Variants in CD2AP observed in about 807,000 individuals in gnomAD.
The protein encoded by CD2AP is CD2 associated protein.
Under a neutral mutation model 85.1 loss-of-function variants are expected in CD2AP, and 46 were observed. The ratio of observed to expected loss-of-function variants is 0.54; its 90% CI spans 0.43 to 0.69. The LOEUF (loss-of-function observed/expected upper bound fraction) is 0.69. CD2AP is among the 30% of genes least tolerant of loss of function. The pLI is 0.00. For synonymous variants in CD2AP, 255 were observed against 252.9 expected (o/e 1.01, Z -0.08); for missense variants, 769 against 729.5 (o/e 1.05, Z -0.62).
chr6:47,611,279 C>A (rs1769431794), intron 16 of CD2AP, among the ~76,000 whole-genome samples: 1 of 151,016 alleles, frequency 6.6e-6, no homozygotes, highest in African/African-American at 2.4e-5. Context: ...GAAAAGCATA[C>A]CAAACCAGAA....
chr6:47,616,266 G>C (rs1441707574), intron 17 of CD2AP, among the ~76,000 whole-genome samples: 2 of 151,252 alleles, frequency 1.3e-5, no homozygotes, highest in Admixed American at 6.6e-5. Flanking sequence ...TAATTTTTTT[G>C]TATTTTTAAC....
intron 2 of CD2AP, among the ~76,000 whole-genome samples, chr6:47,507,666 C>G (rs938633815): frequency 6.6e-6 from 1 of 152,158 alleles, no homozygotes; most frequent in Non-Finnish European, 1.5e-5. Context: ...AGACTGGTCT[C>G]AAACTCCTGA....
intron 1 of CD2AP, among the ~76,000 whole-genome samples, chr6:47,487,710 C>CA (rs1765600661): frequency 1.3e-5 from 2 of 149,564 alleles, no homozygotes; most frequent in South Asian, 4.2e-4. Flanking sequence ...AACAAACAAA[C>CA]AAACAAAACA....
intron 11 of CD2AP, among the ~76,000 whole-genome samples, chr6:47,592,086 TCA>T (rs1768815935): frequency 1.3e-5 from 2 of 152,204 alleles, no homozygotes; most frequent in Admixed American, 1.3e-4. Flanking sequence ...TGCCCCCATC[TCA>T]GCCTCCCAAA....
intron 11 of CD2AP, among the ~76,000 whole-genome samples, chr6:47,588,193 A>G (rs1301938514): frequency 2.0e-5 from 3 of 152,034 alleles, no homozygotes; most frequent in African/African-American, 7.2e-5. Context: ...CTTCCTTGAC[A>G]GTATTTTCCT....
At position 47,540,038 on chromosome 6, in the gene CD2AP, C is replaced by T. The variant is rs552369900; in HGVS notation, c.320-4568C>T. ...ACAAAAAAAAAAATACAAAAATTAG[C>T]CCAGTATGGTGGTGAGCGCCTGTGG... On this transcript the variant is annotated intron_variant, in intron 3 of 17. Coordinates refer to ENST00000359314, the MANE Select transcript of CD2AP (RefSeq NM_012120.3). Among the ~76,000 whole-genome samples the T allele has an allele frequency of 3.3e-5, 5 of 151,262 alleles. No homozygotes were observed. The South Asian group carries it at 1.0e-3, about 32-fold the overall frequency.
chr6:47,527,015 A>G (rs988676818), intron 2 of CD2AP, among the ~76,000 whole-genome samples: 8 of 152,194 alleles, frequency 5.3e-5, no homozygotes, highest in Admixed American at 2.0e-4. Flanking sequence ...ACCAATAAAA[A>G]CAGGGAAATA....
At chr6:47,598,164 A>G (rs1769000331) in intron 12 of CD2AP, among the ~76,000 whole-genome samples, 1 of 151,170 alleles carries the variant, frequency 6.6e-6, no homozygotes, top group Non-Finnish European at 1.5e-5. Context: ...CAAAGTCACT[A>G]GTTACCAGGG....
intron 2 of CD2AP, among the ~76,000 whole-genome samples, chr6:47,531,920 A>G (rs1047317801): frequency 1.3e-5 from 2 of 151,946 alleles, no homozygotes; most frequent in Non-Finnish European, 2.9e-5. Flanking sequence ...TAAAAATACA[A>G]AAATTAGCCA....
chr6:47,484,828 A>G (rs935577623), intron 1 of CD2AP, among the ~76,000 whole-genome samples: 1 of 152,092 alleles, frequency 6.6e-6, no homozygotes, highest in Non-Finnish European at 1.5e-5. Flanking sequence ...ATTCCAAGGG[A>G]GTGACTGTAA....
At chr6:47,572,904 A>G (rs1483567902) in intron 5 of CD2AP, among the ~76,000 whole-genome samples, 18 of 152,092 alleles carry the variant, frequency 1.2e-4, no homozygotes, top group Admixed American at 3.3e-4. Flanking sequence ...TATTGTCCCT[A>G]TTGTTCTTAC....
intron 1 of CD2AP, among the ~76,000 whole-genome samples, chr6:47,495,826 G>A (rs780745527): frequency 3.5e-4 from 54 of 152,154 alleles, no homozygotes; most frequent in Non-Finnish European, 5.4e-4. Flanking sequence ...AATTTTTGGC[G>A]TTTTTATGCT....
intron 12 of CD2AP, among the ~76,000 whole-genome samples, chr6:47,598,817 G>C (rs1425403288): frequency 6.6e-6 from 1 of 150,412 alleles, no homozygotes; most frequent in Admixed American, 6.6e-5. Context: ...CTGCTCGGGT[G>C]GTGGGTGCAC....
rs1029326352 is a variant in CD2AP at position 47,545,871 on chromosome 6, A to G, written c.420+1165A>G. Among the ~76,000 whole-genome samples, 8 of 152,134 alleles carry G rather than the reference A, an allele frequency of 5.3e-5. No homozygotes were observed. In the East Asian group the frequency reaches 1.4e-3, roughly 26 times the overall value. On this transcript the variant is annotated intron_variant, in intron 4 of 17. Coordinates refer to ENST00000359314, the MANE Select transcript of CD2AP (RefSeq NM_012120.3). ...AAGAAACTGAACAGCCTTGAGCCCT[A>G]CACTTCCCTCTGACAGAGCCTACCC...
intron 1 of CD2AP, among the ~76,000 whole-genome samples, chr6:47,487,703 A>G (rs1765600426): frequency 6.6e-6 from 1 of 152,134 alleles, no homozygotes; most frequent in African/African-American, 2.4e-5. Flanking sequence ...ACAAACAAAC[A>G]AACAAACAAA....
At position 47,610,968 on chromosome 6, in the gene CD2AP, TG is replaced by T. The variant is rs66686753; in HGVS notation, c.1815-1504del. 5.5e-4 allele frequency among the ~76,000 whole-genome samples: 42 copies of T among 76,396 alleles called. No homozygotes were observed. The South Asian group carries it at 0.011, about 20-fold the overall frequency. The allele number at this position is 76,396 out of a possible 152,430, so 50.1% of individuals were successfully genotyped here. A position where few individuals can be genotyped will look rare whatever the true frequency, so the allele number is the denominator to read the frequency against. ...TCTGATTTATATATATATATATATA[TG>T]TATTTTTTTTTTTTTTTGAATATAA... is the stretch of plus-strand genomic sequence containing the variant. On this transcript the variant is annotated intron_variant, in intron 16 of 17. Transcript: ENST00000359314.
chr6:47,530,672 T>G (rs989396155), intron 2 of CD2AP, among the ~76,000 whole-genome samples: 5 of 152,224 alleles, frequency 3.3e-5, no homozygotes, highest in Non-Finnish European at 7.3e-5. Flanking sequence ...TGTACAGTAC[T>G]GTGAGAACAA....
At chr6:47,551,785 C>T (rs1562028034) in intron 4 of CD2AP, among the ~76,000 whole-genome samples, 1 of 152,144 alleles carries the variant, frequency 6.6e-6, no homozygotes, top group Non-Finnish European at 1.5e-5. Flanking sequence ...TTTTCACTCA[C>T]ATATCTGGTG....
chr6:47,579,172 A>G (rs959368959), intron 8 of CD2AP, among the ~76,000 whole-genome samples: 3 of 152,020 alleles, frequency 2.0e-5, no homozygotes, highest in Non-Finnish European at 4.4e-5. Flanking sequence ...GACCAAATCA[A>G]GAGGATCATT....
Sources: allele counts gnomAD v4.1 joint callset (sites outside exome capture counted in the v4.1 genomes callset), GRCh38; gene constraint gnomAD v4.1.1; transcripts MANE v1.5; gene names NCBI Gene and HGNC (gene_info 2026-07-23, HGNC 2026-07-21).